COL25A1: variants seen among roughly 807,000 people sequenced by gnomAD.
The protein encoded by COL25A1 is collagen type XXV alpha 1 chain.
Under a neutral mutation model 128.4 loss-of-function variants are expected in COL25A1, and 103 were observed. The ratio of observed to expected loss-of-function variants is 0.80; its 90% CI spans 0.68 to 0.94. COL25A1 has a LOEUF of 0.94. COL25A1 is among the 40% of genes least tolerant of loss of function. The pLI is 0.00. For synonymous variants in COL25A1, 279 were observed against 277.2 expected (o/e 1.01, Z -0.06); for missense variants, 745 against 840.0 (o/e 0.89, Z 1.40).
At chr4:108,913,303 G>A (rs745563968) in intron 13 of COL25A1, among the ~76,000 whole-genome samples, 1 of 115,580 alleles carries the variant, frequency 8.7e-6, no homozygotes, top group Admixed American at 9.9e-5. Flanking sequence ...TTTTGCTCTT[G>A]TTGCCCAGGC....
intron 11 of COL25A1, among the ~76,000 whole-genome samples, chr4:108,925,077 G>A (rs1002659277): frequency 2.0e-5 from 3 of 152,034 alleles, no homozygotes; most frequent in African/African-American, 4.8e-5. Flanking sequence ...TCAGTGAATC[G>A]TTTTGAGGTT....
rs11288779 is a variant in COL25A1 at position 108,904,908 on chromosome 4, A to AT, written c.781-3737dup. On this transcript the variant is annotated intron_variant, in intron 13 of 37. Transcript: ENST00000399132. ...TTAAGAAGGATGGCTTGCTGCTTTCATTTTTTTTTTAAAAAAACAACTCTT... is the reference window on the plus strand; with the variant it reads ...TTAAGAAGGATGGCTTGCTGCTTTCATTTTTTTTTTTAAAAAAACAACTCTT... Among the ~76,000 whole-genome samples the AT allele has an allele frequency of 8.0e-4, 121 of 151,376 alleles. 1 individual carries two copies. Among genetic ancestry groups the AT allele is most frequent in the African/African-American group, 2.7e-3 (110 of 41,222 alleles).
chr4:108,944,603 T>G (rs1487896070), intron 8 of COL25A1, among the ~76,000 whole-genome samples: 2 of 152,156 alleles, frequency 1.3e-5, no homozygotes, highest in Non-Finnish European at 2.9e-5. Flanking sequence ...GACTTAAAAA[T>G]ATTTTGAAAT....
chr4:108,982,467 C>T lies in COL25A1; in HGVS notation c.439-7908G>A, dbSNP rs72670314. On this transcript the variant is annotated intron_variant, in intron 6 of 37. Coordinates refer to ENST00000399132, the MANE Select transcript of COL25A1 (RefSeq NM_198721.4). ...CCCGTAGCATAGAGTAGGTGCCCAACCAGTTCTTGCTGAATTGAAAGGCCC... is the reference window on the plus strand; with the variant it reads ...CCCGTAGCATAGAGTAGGTGCCCAATCAGTTCTTGCTGAATTGAAAGGCCC... 4.6e-3 allele frequency among the ~76,000 whole-genome samples: 702 copies of T among 152,230 alleles called. 5 individuals carry two copies. The highest frequency in any genetic ancestry group is 0.017 in the Middle Eastern group (5 of 294).
At chr4:109,279,335 T>G (rs929461097) in intron 3 of COL25A1, among the ~76,000 whole-genome samples, 8 of 152,268 alleles carry the variant, frequency 5.3e-5, no homozygotes, top group African/African-American at 1.9e-4. Context: ...TCCGGCTGGG[T>G]GCAGTGACTC....
At chr4:109,124,224 T>C (rs1001127040) in intron 3 of COL25A1, among the ~76,000 whole-genome samples, 2 of 152,068 alleles carry the variant, frequency 1.3e-5, no homozygotes, top group Non-Finnish European at 2.9e-5. Flanking sequence ...TGCAGTAAGA[T>C]GGTTATTCAG....
intron 5 of COL25A1, among the ~76,000 whole-genome samples, chr4:109,047,307 G>T (rs1760516371): frequency 6.6e-6 from 1 of 152,164 alleles, no homozygotes. Flanking sequence ...CCAGGAAAAG[G>T]ATTTAAAATC....
intron 15 of COL25A1, among the ~76,000 whole-genome samples, chr4:108,897,136 G>A (rs1742239232): frequency 6.6e-6 from 1 of 151,924 alleles, no homozygotes; most frequent in Non-Finnish European, 1.5e-5. Context: ...CTTTCCATCT[G>A]TATAAATCCT....
intron 13 of COL25A1, among the ~76,000 whole-genome samples, chr4:108,903,150 A>C (rs189515182): frequency 2.4e-3 from 361 of 152,120 alleles, no homozygotes; most frequent in Non-Finnish European, 3.5e-3. Context: ...AGGTATCTGC[A>C]TAACATTCTC....
In COL25A1 at chr4:108,810,367, G is replaced by A. The variant is rs1409627727; in HGVS notation, c.*3560C>T. 6.6e-6 allele frequency: 1 copy of A among 151,912 alleles called. No individual in the cohort carries two copies. Among genetic ancestry groups the A allele is most frequent in the East Asian group, 1.9e-4 (1 of 5,192 alleles). The allele number at this position is 151,912 out of a possible 1,614,324, so 9.4% of individuals were successfully genotyped here. On this transcript the variant is annotated 3_prime_UTR_variant, in exon 38 of 38. Transcript: ENST00000399132. ...ACATGTAGTATAAACTAGTTGATGT[G>A]TAAGTTCTTGCTGTCCCATCAGAAC...
intron 3 of COL25A1, among the ~76,000 whole-genome samples, chr4:109,071,791 G>A (rs1213742707): frequency 6.6e-6 from 1 of 152,108 alleles, no homozygotes; most frequent in African/African-American, 2.4e-5. Context: ...TAAAAAGTCA[G>A]GAAACAACAG....
intron 11 of COL25A1, among the ~76,000 whole-genome samples, chr4:108,923,819 A>C (rs939238345): frequency 6.6e-6 from 1 of 152,118 alleles, no homozygotes; most frequent in Admixed American, 6.6e-5. Flanking sequence ...TTATCCTCAT[A>C]ATTTAGTAAG....
At chr4:109,081,948 C>G (rs373573792) in intron 3 of COL25A1, among the ~76,000 whole-genome samples, 4 of 152,098 alleles carry the variant, frequency 2.6e-5, no homozygotes, top group Non-Finnish European at 4.4e-5. Flanking sequence ...AGGTAATCCG[C>G]CCGCCTCAGC....
At chr4:109,297,901 G>A (rs1332388030) in intron 3 of COL25A1, among the ~76,000 whole-genome samples, 2 of 103,588 alleles carry the variant, frequency 1.9e-5, no homozygotes, top group African/African-American at 7.9e-5. Flanking sequence ...TGCCGATGAG[G>A]AAATTAGAAC....
chr4:109,187,380 A>T (rs77119068), intron 3 of COL25A1, among the ~76,000 whole-genome samples: 1 of 152,322 alleles, frequency 6.6e-6, no homozygotes, highest in East Asian at 1.9e-4. Context: ...AAAAACATAG[A>T]TAATGGAGCC....
chr4:109,093,472 A>AAACAAAAAAC (rs1553931038), intron 3 of COL25A1, among the ~76,000 whole-genome samples: 2 of 145,540 alleles, frequency 1.4e-5, no homozygotes, highest in South Asian at 2.2e-4. Context: ...AAAAAAAAAA[A>AAACAAAAAAC]AAAACCTTTT....
At chr4:109,281,083 G>T (rs759415250) in intron 3 of COL25A1, among the ~76,000 whole-genome samples, 3 of 152,102 alleles carry the variant, frequency 2.0e-5, no homozygotes, top group Admixed American at 6.5e-5. Flanking sequence ...AATAGGAAAA[G>T]AAGTTAATTA....
chr4:109,203,098 CTAAA>C, intron 3 of COL25A1, among the ~76,000 whole-genome samples: 1 of 152,134 alleles, frequency 6.6e-6, no homozygotes, highest in East Asian at 1.9e-4. Flanking sequence ...ACCTTCATGA[CTAAA>C]TAAAGACTCA....
intron 3 of COL25A1, among the ~76,000 whole-genome samples, chr4:109,202,897 T>C (rs998472771): frequency 2.0e-5 from 3 of 152,044 alleles, no homozygotes; most frequent in African/African-American, 4.8e-5. Context: ...TATCTACATC[T>C]GTACAGATAT....
Sources: gnomAD v4.1 joint callset for allele counts (sites outside exome capture counted in the v4.1 genomes callset) on GRCh38, gnomAD v4.1.1 for gene constraint, MANE v1.5 for transcripts, NCBI Gene and HGNC (gene_info 2026-07-23, HGNC 2026-07-21) for gene names.